The following NBEA variants were observed in gnomAD, a reference collection of about 807,000 sequenced individuals.
NBEA encodes neurobeachin, also known as lysosomal-trafficking regulator 2.
In NBEA, 44 loss-of-function variants were observed where a neutral mutation model predicts 343.4. The ratio of observed to expected loss-of-function variants is 0.13; its 90% CI spans 0.10 to 0.16. The LOEUF (loss-of-function observed/expected upper bound fraction) is 0.16. Ranked by LOEUF, NBEA falls within the 10% of genes least tolerant of loss-of-function variation. The pLI is 1.00. For missense variants in NBEA, 2,555 were observed against 3,631.3 expected (o/e 0.70, Z 7.62); for synonymous variants, 1,175 against 1,238.7 (o/e 0.95, Z 1.08).
chr13:35,004,262 T>C (rs1279741202), intron 1 of NBEA, among the ~76,000 whole-genome samples: 1 of 152,188 alleles, frequency 6.6e-6, no homozygotes, highest in African/African-American at 2.4e-5. Context: ...ATTTTTGTAA[T>C]AGAATGATTT....
At chr13:35,356,208 T>A (rs1261442549) in intron 38 of NBEA, among the ~76,000 whole-genome samples, 1 of 152,140 alleles carries the variant, frequency 6.6e-6, no homozygotes, top group Non-Finnish European at 1.5e-5. Flanking sequence ...CTTTATAAAA[T>A]GCCAAAAAGT....
chr13:35,547,844 A>G (rs1003945421), intron 41 of NBEA, among the ~76,000 whole-genome samples: 1 of 152,008 alleles, frequency 6.6e-6, no homozygotes, highest in African/African-American at 2.4e-5. Flanking sequence ...AGCCAAGATA[A>G]CGCCACTGCA....
chr13:35,076,087 G>T (rs2064103850), intron 10 of NBEA, among the ~76,000 whole-genome samples: 2 of 151,494 alleles, frequency 1.3e-5, no homozygotes, highest in Admixed American at 6.6e-5. Flanking sequence ...TGGAGGTGGT[G>T]GTTCTTATAT....
intron 36 of NBEA, among the ~76,000 whole-genome samples, chr13:35,328,365 A>T (rs1390739101): frequency 1.3e-5 from 2 of 151,986 alleles, no homozygotes; most frequent in Non-Finnish European, 1.5e-5. Flanking sequence ...AAAAAATAAA[A>T]ATAAATACAG....
chr13:35,522,296 T>C (rs1460112800), intron 41 of NBEA, among the ~76,000 whole-genome samples: 1 of 151,440 alleles, frequency 6.6e-6, no homozygotes, highest in Non-Finnish European at 1.5e-5. Flanking sequence ...GATGAAACCC[T>C]GTCTCTACTA....
intron 41 of NBEA, among the ~76,000 whole-genome samples, chr13:35,515,687 T>C (rs1324460346): frequency 6.6e-6 from 1 of 152,196 alleles, no homozygotes; most frequent in Admixed American, 6.5e-5. Context: ...AAAGGCAATA[T>C]ATTTTATAAG....
chr13:35,154,526 A>C (rs1304368136), intron 18 of NBEA, among the ~76,000 whole-genome samples: 1 of 152,234 alleles, frequency 6.6e-6, no homozygotes, highest in Non-Finnish European at 1.5e-5. Context: ...CAAGCCTAAA[A>C]TACAGTGAGC....
chr13:35,319,011 G>T (rs894231423), intron 36 of NBEA, among the ~76,000 whole-genome samples: 1 of 151,892 alleles, frequency 6.6e-6, no homozygotes, highest in Non-Finnish European at 1.5e-5. Context: ...TATTATTCTG[G>T]CTAGAGGTCT....
chr13:35,420,604 AT>A (rs1448616248), intron 38 of NBEA, among the ~76,000 whole-genome samples: 1 of 151,990 alleles, frequency 6.6e-6, no homozygotes, highest in Non-Finnish European at 1.5e-5. Context: ...TCTTCTTTAA[AT>A]GTTTAATAAA....
At position 35,181,109 on chromosome 13, in the gene NBEA, T is replaced by C. The variant is rs1261200630; in HGVS notation, c.4663-1251T>C. On this transcript the variant is annotated intron_variant, in intron 28 of 58. Coordinates refer to ENST00000379939, the MANE Select transcript of NBEA (RefSeq NM_001385012.1). ...TTGTGCTGGTTCCACATTTTTGCAA[T>C]TGAAAATTGTGCTGCTATAAACATG... Among the ~76,000 whole-genome samples, 3 of 151,948 alleles carry C rather than the reference T, an allele frequency of 2.0e-5. No homozygotes were observed. The East Asian group carries it at 5.8e-4, about 29-fold the overall frequency.
chr13:35,388,903 A>G (rs1191021436), intron 38 of NBEA, among the ~76,000 whole-genome samples: 1 of 152,098 alleles, frequency 6.6e-6, no homozygotes, highest in Non-Finnish European at 1.5e-5. Context: ...TCATTTTGTC[A>G]TAAATTAGAT....
At chr13:35,364,389 G>T (rs2040987918) in intron 38 of NBEA, among the ~76,000 whole-genome samples, 1 of 151,830 alleles carries the variant, frequency 6.6e-6, no homozygotes, top group African/African-American at 2.4e-5. Flanking sequence ...AAAGAACAAG[G>T]TAAATATTGA....
intron 34 of NBEA, among the ~76,000 whole-genome samples, chr13:35,273,844 A>G (rs2034370767): frequency 6.6e-6 from 1 of 152,172 alleles, no homozygotes; most frequent in Non-Finnish European, 1.5e-5. Context: ...CAGGACAATA[A>G]TAGGTTCTGA....
At chr13:34,961,404 G>T (rs1477266921) in intron 1 of NBEA, among the ~76,000 whole-genome samples, 2 of 151,896 alleles carry the variant, frequency 1.3e-5, no homozygotes, top group East Asian at 3.9e-4. Flanking sequence ...CAGTTATTCA[G>T]TGTGGGTTAC....
chr13:35,574,147 A>G (rs2080591058), intron 45 of NBEA, among the ~76,000 whole-genome samples: 1 of 152,128 alleles, frequency 6.6e-6, no homozygotes, highest in African/African-American at 2.4e-5. Context: ...TGTGTTTATT[A>G]TATGCCAGGC....
At chr13:35,557,666 T>C (rs1285926634) in intron 44 of NBEA, among the ~76,000 whole-genome samples, 1 of 152,088 alleles carries the variant, frequency 6.6e-6, no homozygotes, top group Admixed American at 6.6e-5. Context: ...AGCAATGGGA[T>C]AAAAATTAAC....
Position 35,566,720 on chromosome 13 carries a change from T to C in NBEA, c.6923-185T>C, listed in dbSNP as rs1267094550. Among the ~76,000 whole-genome samples, 3 of 152,330 alleles carry C rather than the reference T, an allele frequency of 2.0e-5. No individual in the cohort carries two copies. In the East Asian group the frequency reaches 5.8e-4, roughly 29 times the overall value. ...ATCACAGTCTTATAAATAGTAATTC[T>C]AGTTACGTCTTAAAACAATTATTGA... is the stretch of plus-strand genomic sequence containing the variant. On this transcript the variant is annotated intron_variant, in intron 44 of 58. Coordinates refer to ENST00000379939, the MANE Select transcript of NBEA (RefSeq NM_001385012.1).
chr13:35,446,960 T>C (rs2046080507), intron 39 of NBEA, among the ~76,000 whole-genome samples: 1 of 152,148 alleles, frequency 6.6e-6, no homozygotes, highest in South Asian at 2.1e-4. Flanking sequence ...CTCTTTTCTT[T>C]GTGTGTTAGC....
chr13:35,395,244 A>G (rs532743859), intron 38 of NBEA, among the ~76,000 whole-genome samples: 25 of 150,498 alleles, frequency 1.7e-4, no homozygotes, highest in Non-Finnish European at 3.4e-4. Context: ...TATAATCCCC[A>G]GTGTTGGAGG....
Sources: gnomAD v4.1 joint callset for allele counts (sites outside exome capture counted in the v4.1 genomes callset) on GRCh38, gnomAD v4.1.1 for gene constraint, MANE v1.5 for transcripts, NCBI Gene and HGNC (gene_info 2026-07-23, HGNC 2026-07-21) for gene names.